JAKMIP3: variants seen among roughly 807,000 people sequenced by gnomAD.
JAKMIP3 encodes janus kinase and microtubule-interacting protein 3.
A neutral mutation model predicts 118.5 loss-of-function variants in JAKMIP3; 58 were observed. The observed-to-expected ratio is 0.49, with a 90% CI of 0.40 to 0.61. JAKMIP3 has a LOEUF of 0.61. JAKMIP3 is among the 20% of genes least tolerant of loss of function. The pLI is 0.00. For synonymous variants in JAKMIP3, 486 were observed against 451.2 expected, an observed-to-expected ratio of 1.08 and a Z score of -0.98; for missense variants, 950 against 1,109.0, an observed-to-expected ratio of 0.86 and a Z score of 2.04.
chr10:132,089,559 C>G (rs7074493), intron 1 of JAKMIP3, among the ~76,000 whole-genome samples: 53,982 of 151,996 alleles, frequency 0.36, 10,027 homozygotes, highest in African/African-American at 0.47. Context: ...CATTGATTTT[C>G]TATCCTGAGA....
intron 2 of JAKMIP3, among the ~76,000 whole-genome samples, chr10:132,106,314 C>G (rs2045892586): frequency 6.6e-6 from 1 of 151,716 alleles, no homozygotes; most frequent in Non-Finnish European, 1.5e-5. Flanking sequence ...CTCTAGCCTG[C>G]ATGACAGAGC....
chr10:132,041,860 C>A (rs1379939464), intron 1 of JAKMIP3, among the ~76,000 whole-genome samples: 1 of 151,296 alleles, frequency 6.6e-6, no homozygotes, highest in Non-Finnish European at 1.5e-5. Context: ...TTTCTTTTTT[C>A]TTTCTTTTCT....
In JAKMIP3 at chr10:132,183,116, G is replaced by A. The variant is rs1408518011; in HGVS notation, c.*1863G>A. 2 of 152,136 alleles carry A rather than the reference G, an allele frequency of 1.3e-5. No individual in the cohort carries two copies. Among genetic ancestry groups the A allele is most frequent in the Non-Finnish European group, 2.9e-5 (2 of 68,036 alleles). The allele number at this position is 152,136 out of a possible 1,614,324, so 9.4% of individuals were successfully genotyped here. A position where few individuals can be genotyped will look rare whatever the true frequency, so the allele number is the denominator to read the frequency against. ...CTCATTTTAACGACTGCATCTTCTT[G>A]GCACATTTATTATACTCACAACTGA... On this transcript the variant is annotated 3_prime_UTR_variant, in exon 24 of 24. Coordinates refer to ENST00000684848, the MANE Select transcript of JAKMIP3 (RefSeq NM_001323087.2).
chr10:132,180,590 T>TGTGCGC (rs1554962887), intron 23 of JAKMIP3, among the ~76,000 whole-genome samples: 1 of 21,686 alleles, frequency 4.6e-5, no homozygotes, highest in African/African-American at 1.5e-4. Context: ...CGTGCGCGTG[T>TGTGCGC]GTGTGTGCGT....
chr10:132,112,870 G>A lies in JAKMIP3; in HGVS notation c.136-4207G>A, dbSNP rs1290336924. ...TGCCTGGCTGCGAATCCCCTCTCTC[G>A]CTCCCTCTGTCTTTCCCTTCTGCCC... is the stretch of plus-strand genomic sequence containing the variant. On this transcript the variant is annotated intron_variant, in intron 2 of 23. Coordinates refer to ENST00000684848, the MANE Select transcript of JAKMIP3 (RefSeq NM_001323087.2). The surrounding 1 kb of genome is among the most constrained non-coding windows in gnomAD (Gnocchi z 4.3). Among the ~76,000 whole-genome samples the A allele has an allele frequency of 5.3e-5, 8 of 152,162 alleles. No homozygotes were observed. Among genetic ancestry groups the A allele is most frequent in the East Asian group, 3.9e-4 (2 of 5,168 alleles).
chr10:132,060,735 A>T (rs1174427116), upstream of JAKMIP3, among the ~76,000 whole-genome samples: 3 of 152,222 alleles, frequency 2.0e-5, no homozygotes, highest in African/African-American at 4.8e-5. Flanking sequence ...AATACAAGAG[A>T]ATGGCCAGGT....
intron 3 of JAKMIP3, among the ~76,000 whole-genome samples, chr10:132,123,151 G>A (rs768884990): frequency 1.3e-5 from 2 of 152,178 alleles, no homozygotes; most frequent in Non-Finnish European, 2.9e-5. Flanking sequence ...TCCACCCACA[G>A]GTGCGATGAC....
At chr10:132,147,697 CGATAT>C (rs1245500243) in intron 13 of JAKMIP3, among the ~76,000 whole-genome samples, 1 of 152,246 alleles carries the variant, frequency 6.6e-6, no homozygotes, top group African/African-American at 2.4e-5. Context: ...CTCAGGGCCC[CGATAT>C]GATCGCCAGG....
At chr10:132,151,919 C>CA (rs1252494546) in intron 16 of JAKMIP3, among the ~76,000 whole-genome samples, 2 of 152,368 alleles carry the variant, frequency 1.3e-5, no homozygotes, top group African/African-American at 4.8e-5. Context: ...AGTGGCCCTT[C>CA]AAGCCTGGCT....
chr10:132,151,198 GCATCCTCCATCATTCATTCATTCATC>G (rs1158654410), intron 16 of JAKMIP3, among the ~76,000 whole-genome samples: 5 of 151,378 alleles, frequency 3.3e-5, no homozygotes, highest in Admixed American at 1.3e-4. Context: ...ATTTATCTAT[GCATCCTCCATCATTCATTCATTCATC>G]CATCCTCCAT....
chr10:132,117,706 C>A lies in JAKMIP3; in HGVS notation c.633+132C>A. Reference sequence around the variant, plus strand: ...CGCGGGCAGCACCGGCTTCACCCCCCATGACATTCTTAGCACAGGCTCCTC... The same window carrying A: ...CGCGGGCAGCACCGGCTTCACCCCCAATGACATTCTTAGCACAGGCTCCTC... On this transcript the variant is annotated intron_variant, in intron 3 of 23. Transcript: ENST00000684848. This position sits in a 1 kb window ranked among gnomAD's most constrained non-coding sequence, Gnocchi z 8.6. 9.1e-7 allele frequency: 1 copy of A among 1,099,986 alleles called. No homozygotes were observed. Among genetic ancestry groups the A allele is most frequent in the Non-Finnish European group, 1.2e-6 (1 of 849,998 alleles). The allele number at this position is 1,099,986 out of a possible 1,614,324, so 68.1% of individuals were successfully genotyped here.
intron 23 of JAKMIP3, among the ~76,000 whole-genome samples, chr10:132,180,560 T>TGTGTGC (rs1565018419): frequency 5.8e-5 from 3 of 51,822 alleles, no homozygotes; most frequent in African/African-American, 3.6e-4. Context: ...CGTGCATGCG[T>TGTGTGC]GTGTGTGCGT....
chr10:132,123,223 G>A (rs2048858697), intron 3 of JAKMIP3, among the ~76,000 whole-genome samples: 1 of 152,206 alleles, frequency 6.6e-6, no homozygotes, highest in Non-Finnish European at 1.5e-5. Context: ...GGCCGAGCTG[G>A]GGCCCCAGAA....
rs911541167 is a variant in JAKMIP3 at position 132,117,977 on chromosome 10, G to A, written c.633+403G>A. On this transcript the variant is annotated intron_variant, in intron 3 of 23. Transcript: ENST00000684848. This position sits in a 1 kb window ranked among gnomAD's most constrained non-coding sequence, Gnocchi z 8.6. ...CGGGTCACACCTGACACCAGGCAGG[G>A]CTCAGTGTTTCGCAGCAGGAGTCCC... Among the ~76,000 whole-genome samples, 6 of 152,164 alleles carry A rather than the reference G, an allele frequency of 3.9e-5. No individual in the cohort carries two copies. The highest frequency in any genetic ancestry group is 1.4e-4 in the African/African-American group (6 of 41,440).
chr10:132,080,796 A>G (rs2041664881), intron 1 of JAKMIP3, among the ~76,000 whole-genome samples: 1 of 152,044 alleles, frequency 6.6e-6, no homozygotes, highest in South Asian at 2.1e-4. Flanking sequence ...CTGGGATTAC[A>G]GGCGAGAGCC....
At chr10:132,167,533 G>A (rs868505089) in intron 22 of JAKMIP3, among the ~76,000 whole-genome samples, 5 of 152,184 alleles carry the variant, frequency 3.3e-5, no homozygotes, top group Non-Finnish European at 7.4e-5. Context: ...CTTAGGCCAG[G>A]ATAGCTGGAG....
intron 1 of JAKMIP3, among the ~76,000 whole-genome samples, chr10:132,078,116 G>C (rs1001332001): frequency 2.0e-5 from 3 of 152,174 alleles, no homozygotes; most frequent in Non-Finnish European, 4.4e-5. Flanking sequence ...CCAGCCTCTT[G>C]TGTTTTTAAA....
intron 13 of JAKMIP3, among the ~76,000 whole-genome samples, chr10:132,146,416 T>G (rs2054619731): frequency 6.6e-6 from 1 of 152,014 alleles, no homozygotes; most frequent in Admixed American, 6.5e-5. Flanking sequence ...GGGGTGCACC[T>G]CACAACTGTG....
At chr10:132,082,002 C>T (rs1165255609) in intron 1 of JAKMIP3, among the ~76,000 whole-genome samples, 3 of 151,802 alleles carry the variant, frequency 2.0e-5, no homozygotes, top group African/African-American at 7.3e-5. Flanking sequence ...GTCATGTCTG[C>T]GTTTGTCTCT....
Sources: gnomAD v4.1 joint callset for allele counts (sites outside exome capture counted in the v4.1 genomes callset) on GRCh38, gnomAD v4.1.1 for gene constraint, Gnocchi (gnomAD v3.1) non-coding constraint, MANE v1.5 for transcripts, NCBI Gene and HGNC (gene_info 2026-07-23, HGNC 2026-07-21) for gene names.